The following INPP5A variants were observed in gnomAD, a reference collection of about 807,000 sequenced individuals.
The protein encoded by INPP5A is 43 kDa inositol polyphosphate 5-phophatase.
INPP5A carries 14 observed loss-of-function variants against 65.2 expected under a neutral mutation model. That is an observed-to-expected ratio of 0.21 (90% CI 0.14 to 0.34). The LOEUF (loss-of-function observed/expected upper bound fraction) is 0.34. INPP5A is among the 10% of genes least tolerant of loss of function. INPP5A has a pLI of 1.00. For synonymous variants in INPP5A, 207 were observed against 208.3 expected, an observed-to-expected ratio of 0.99 and a Z score of 0.05; for missense variants, 431 against 545.6, an observed-to-expected ratio of 0.79 and a Z score of 2.09.
At chr10:132,777,828 G>T (rs200714101) in intron 13 of INPP5A, 46 bp downstream of exon 13, 2 of 1,595,936 alleles carry the variant, frequency 1.3e-6, no homozygotes, top group African/African-American at 2.7e-5. Flanking sequence ...GATGTGGAGC[G>T]CTGGGTCTGG....
At chr10:132,646,664 C>T (rs1431637931) in intron 3 of INPP5A, among the ~76,000 whole-genome samples, 1 of 152,248 alleles carries the variant, frequency 6.6e-6, no homozygotes, top group Non-Finnish European at 1.5e-5. Flanking sequence ...GGGGGCTCGT[C>T]TCCACCTCCA....
intron 8 of INPP5A, among the ~76,000 whole-genome samples, chr10:132,725,044 G>A (rs1473066971): frequency 2.0e-5 from 3 of 151,486 alleles, no homozygotes; most frequent in Non-Finnish European, 4.4e-5. Flanking sequence ...AGGAGCACAC[G>A]CCATATTCAC....
chr10:132,620,396 G>A (rs956554971), intron 2 of INPP5A, among the ~76,000 whole-genome samples: 18 of 152,180 alleles, frequency 1.2e-4, no homozygotes, highest in Non-Finnish European at 2.5e-4. Context: ...AGTTCCAACT[G>A]TAAGTCATTT....
chr10:132,712,980 A>T (rs1282365984), intron 8 of INPP5A, among the ~76,000 whole-genome samples: 4 of 136,032 alleles, frequency 2.9e-5, no homozygotes, highest in Non-Finnish European at 4.8e-5. Flanking sequence ...ATCTGTGTGG[A>T]TGCATGTGTG....
chr10:132,564,692 C>T lies in INPP5A; in HGVS notation c.75+26521C>T, dbSNP rs150762623. Among the ~76,000 whole-genome samples the T allele has an allele frequency of 9.5e-4, 144 of 152,296 alleles. 1 individual carries two copies. The highest frequency in any genetic ancestry group is 2.5e-3 in the East Asian group (13 of 5,178). On this transcript the variant is annotated intron_variant, in intron 1 of 15. Coordinates refer to ENST00000368594, the MANE Select transcript of INPP5A (RefSeq NM_005539.5). The stretch of plus-strand genomic sequence containing the variant: ...CAAATGGCAGTGAGTGCAGGGCAGA[C>T]GGGAGTGTGCAGTGTGACTTTTGGG...
At chr10:132,737,995 A>G (rs111569820) in intron 9 of INPP5A, among the ~76,000 whole-genome samples, 3,639 of 152,232 alleles carry the variant, frequency 0.024, 132 homozygotes, top group African/African-American at 0.082. Context: ...GAATCTTCTC[A>G]TTTTATAGAA....
intron 8 of INPP5A, among the ~76,000 whole-genome samples, chr10:132,711,773 C>A (rs1418645483): frequency 6.6e-6 from 1 of 152,230 alleles, no homozygotes; most frequent in Non-Finnish European, 1.5e-5. Flanking sequence ...CTGAGTCATT[C>A]CCAGGCCACC....
intron 1 of INPP5A, among the ~76,000 whole-genome samples, chr10:132,543,765 C>T (rs2070935385): frequency 6.6e-6 from 1 of 152,384 alleles, no homozygotes; most frequent in East Asian, 1.9e-4. Flanking sequence ...TGTGGATACA[C>T]CAAGTTTTGT....
intron 2 of INPP5A, among the ~76,000 whole-genome samples, chr10:132,620,513 C>T (rs187801174): frequency 2.0e-5 from 3 of 152,366 alleles, no homozygotes; most frequent in East Asian, 1.9e-4. Context: ...TAAATCATCA[C>T]TCTTTGCTTC....
intron 12 of INPP5A, among the ~76,000 whole-genome samples, chr10:132,776,936 G>T (rs1847074745): frequency 6.6e-6 from 1 of 152,066 alleles, no homozygotes; most frequent in South Asian, 2.1e-4. Flanking sequence ...ACACAGCAAG[G>T]CCGCGGAGGA....
rs891896045 is a variant in INPP5A at position 132,659,021 on chromosome 10, G to A, written c.306+8516G>A. ...CACCTGGAGTCAGCTGCCGTCCACA[G>A]TGGAAGCTGCCAGCCACCAAGGCTA... On this transcript the variant is annotated intron_variant, in intron 4 of 15. Transcript: ENST00000368594. The surrounding 1 kb of genome is among the most constrained non-coding windows in gnomAD (Gnocchi z 5.5). 2.0e-5 allele frequency among the ~76,000 whole-genome samples: 3 copies of A among 152,200 alleles called. No individual in the cohort carries two copies. The highest frequency in any genetic ancestry group is 7.2e-5 in the African/African-American group (3 of 41,454).
rs558218779 is a variant in INPP5A at position 132,582,510 on chromosome 10, C to T, written c.76-25405C>T. On this transcript the variant is annotated intron_variant, in intron 1 of 15. Transcript: ENST00000368594. ...ACGGCTCACTGCATCCTTGACCTCC[C>T]GGGCTCAAGCGATCCTCCCACCTTA... Among the ~76,000 whole-genome samples the T allele has an allele frequency of 3.4e-4, 51 of 151,692 alleles. 2 individuals carry two copies. The highest frequency in any genetic ancestry group is 1.2e-3 in the East Asian group (6 of 5,126).
rs558843866 is a variant in INPP5A, at chr10:132,717,650, G to A, written c.647+7194G>A. ...CTTAGACAGCTGTCTTCAGGGTTCT[G>A]TGGTGCCTGGGTTCTGTCTGGGCGC... On this transcript the variant is annotated intron_variant, in intron 8 of 15. Transcript: ENST00000368594. 8.5e-4 allele frequency among the ~76,000 whole-genome samples: 128 copies of A among 150,698 alleles called. 4 individuals carry two copies. Among genetic ancestry groups the A allele is most frequent in the Admixed American group, 2.8e-3 (42 of 15,232 alleles).
intron 2 of INPP5A, among the ~76,000 whole-genome samples, chr10:132,618,153 T>G (rs2072064873): frequency 6.6e-6 from 1 of 152,244 alleles, no homozygotes; most frequent in African/African-American, 2.4e-5. Flanking sequence ...AATACCTATT[T>G]TAAAAATAGA....
At chr10:132,670,566 T>TG (rs1315422138) in intron 4 of INPP5A, among the ~76,000 whole-genome samples, 1 of 150,646 alleles carries the variant, frequency 6.6e-6, no homozygotes, top group Non-Finnish European at 1.5e-5. Context: ...CCCTCCTTGC[T>TG]GGGGGGAGAG....
At chr10:132,645,561 C>G (rs558956472) in intron 2 of INPP5A, among the ~76,000 whole-genome samples, 3 of 152,180 alleles carry the variant, frequency 2.0e-5, no homozygotes, top group African/African-American at 7.2e-5. Flanking sequence ...GCAGTAAACA[C>G]GCATAACATT....
intron 1 of INPP5A, among the ~76,000 whole-genome samples, chr10:132,561,229 GTT>G (rs34551991): frequency 1.3e-5 from 2 of 151,448 alleles, no homozygotes; most frequent in African/African-American, 4.9e-5. Flanking sequence ...CACCTGGCTA[GTT>G]TTTTTTAAGT....
chr10:132,555,885 C>T lies in INPP5A; in HGVS notation c.75+17714C>T, dbSNP rs758613231. On this transcript the variant is annotated intron_variant, in intron 1 of 15. Transcript: ENST00000368594. This position sits in a 1 kb window ranked among gnomAD's most constrained non-coding sequence, Gnocchi z 4.4. ...ATCTGCGTCACAGATGAAAAACACG[C>T]GTTTCCCCTTTTCGTAAGAGGATGA... Among the ~76,000 whole-genome samples, 27 of 152,174 alleles carry T rather than the reference C, an allele frequency of 1.8e-4. No homozygotes were observed. Among genetic ancestry groups the T allele is most frequent in the Non-Finnish European group, 2.6e-4 (18 of 68,024 alleles).
At chr10:132,726,935 C>G in intron 9 of INPP5A, 30 bp downstream of exon 9, 1 of 1,519,512 alleles carries the variant, frequency 6.6e-7, no homozygotes. Flanking sequence ...CCGCCCTGGT[C>G]TCATGCCTTG....
Sources: allele counts gnomAD v4.1 joint callset (sites outside exome capture counted in the v4.1 genomes callset), GRCh38; gene constraint gnomAD v4.1.1; non-coding constraint Gnocchi (gnomAD v3.1); transcripts MANE v1.5; gene names NCBI Gene and HGNC (gene_info 2026-07-23, HGNC 2026-07-21).